The following IL13RA1 variants were observed in gnomAD, a reference collection of about 807,000 sequenced individuals.
IL13RA1 encodes interleukin-13 receptor subunit alpha-1.
IL13RA1 carries 14 observed loss-of-function variants against 33.8 expected under a neutral mutation model. The observed-to-expected ratio is 0.41, with a 90% confidence interval of 0.27 to 0.65. The LOEUF (loss-of-function observed/expected upper bound fraction) is 0.65, where lower values mean the gene tolerates loss of function less well. Among genes scored for constraint, IL13RA1 ranks in the 30% least tolerant of loss-of-function variants. IL13RA1 has a pLI of 0.28. For synonymous variants in IL13RA1, 116 were observed against 115.7 expected (o/e 1.00, Z -0.02); for missense variants, 313 against 327.0 (o/e 0.96, Z 0.33).
At chrX:118,784,108 T>TATATAC (rs1471180706) in intron 10 of IL13RA1, among the ~76,000 whole-genome samples, 2 of 47,052 alleles carry the variant, frequency 4.3e-5, no homozygotes, top group Admixed American at 4.5e-4. Flanking sequence ...TATATATATA[T>TATATAC]ACGTATATAT....
chrX:118,784,158 CAT>C (rs1180414640), intron 10 of IL13RA1, among the ~76,000 whole-genome samples: 1 of 70,517 alleles, frequency 1.4e-5, no homozygotes, highest in Non-Finnish European at 2.3e-5. Context: ...CGTATATACA[CAT>C]ATATACGTAT....
At chrX:118,778,977 A>G (rs1171761149) in intron 10 of IL13RA1, among the ~76,000 whole-genome samples, 1 of 112,067 alleles carries the variant, frequency 8.9e-6, no homozygotes, top group Non-Finnish European at 1.9e-5. Context: ...TGGTCTTTCT[A>G]CTAGGCTGCA....
chrX:118,802,841 A>C, the IL13RA1 span, among the ~76,000 whole-genome samples: 2 of 112,079 alleles, frequency 1.8e-5, no homozygotes, highest in African/African-American at 3.2e-5. Flanking sequence ...AGACAAAGAT[A>C]GCTCTAATCA....
At chrX:118,763,124 GCACACTTTTACCTATGT>G (rs1456723067) in intron 6 of IL13RA1, among the ~76,000 whole-genome samples, 1 of 111,104 alleles carries the variant, frequency 9.0e-6, no homozygotes, top group Middle Eastern at 4.2e-3. Flanking sequence ...AACCACTATG[GCACACTTTTACCTATGT>G]CACAAACCTA....
chrX:118,730,859 A>G (rs1445762460), intron 1 of IL13RA1, among the ~76,000 whole-genome samples: 1 of 112,048 alleles, frequency 8.9e-6, no homozygotes, highest in Non-Finnish European at 1.9e-5. Flanking sequence ...TAACTAAGAA[A>G]GATGTTGGAA....
At chrX:118,749,813 T>C (rs756702155) in intron 4 of IL13RA1, 35 bp downstream of exon 4, 4 of 1,022,838 alleles carry the variant, frequency 3.9e-6, no homozygotes, top group African/African-American at 3.7e-5. Context: ...GGAAGACTGA[T>C]TGTAATTGTG....
intron 10 of IL13RA1, 64 bp downstream of exon 10, chrX:118,776,575 A>G: frequency 2.6e-6 from 1 of 380,297 alleles, no homozygotes. Flanking sequence ...AAGCTATGGC[A>G]TTTTTTAAAA....
At chrX:118,736,392 T>A (rs1370787825) in intron 1 of IL13RA1, among the ~76,000 whole-genome samples, 1 of 111,053 alleles carries the variant, frequency 9.0e-6, no homozygotes, top group Non-Finnish European at 1.9e-5. Flanking sequence ...TTAAATCTGG[T>A]TTCTCTGGAA....
At chrX:118,750,686 T>A (rs999310057) in intron 4 of IL13RA1, among the ~76,000 whole-genome samples, 1 of 111,588 alleles carries the variant, frequency 9.0e-6, no homozygotes, top group Admixed American at 9.6e-5. Context: ...TTTTTTTTTT[T>A]AATGCCAAAC....
At chrX:118,728,794 G>A (rs1751704243) in intron 1 of IL13RA1, among the ~76,000 whole-genome samples, 1 of 111,518 alleles carries the variant, frequency 9.0e-6, no homozygotes, top group South Asian at 3.8e-4. Flanking sequence ...CAGATGAGGT[G>A]CCTGCCCTCA....
the IL13RA1 span, among the ~76,000 whole-genome samples, chrX:118,801,317 G>A: frequency 8.9e-6 from 1 of 112,006 alleles, no homozygotes; most frequent in East Asian, 2.8e-4. Flanking sequence ...TTCTCTTGGT[G>A]TTTTAAATTT....
the IL13RA1 span, among the ~76,000 whole-genome samples, chrX:118,803,962 CTT>C: frequency 2.6e-4 from 16 of 62,146 alleles, no homozygotes; most frequent in East Asian, 4.8e-4. Context: ...TTCTTTCTTT[CTT>C]TTTTTTTTTT....
chrX:118,732,846 G>A (rs1026090295), intron 1 of IL13RA1, among the ~76,000 whole-genome samples: 2 of 111,613 alleles, frequency 1.8e-5, no homozygotes, highest in Non-Finnish European at 3.8e-5. Flanking sequence ...GCTATTGTGA[G>A]TAGTGCTGCA....
At chrX:118,742,142 T>C (rs2017351051) in intron 2 of IL13RA1, among the ~76,000 whole-genome samples, 1 of 112,318 alleles carries the variant, frequency 8.9e-6, no homozygotes, top group Non-Finnish European at 1.9e-5. Context: ...AACATGCTCT[T>C]CCTCTGGAGG....
intron 9 of IL13RA1, among the ~76,000 whole-genome samples, chrX:118,776,014 TCA>T (rs2017777101): frequency 9.0e-6 from 1 of 110,628 alleles, no homozygotes; most frequent in Non-Finnish European, 1.9e-5. Context: ...CCATGGACAC[TCA>T]CTGGGAGATG....
the IL13RA1 span, among the ~76,000 whole-genome samples, chrX:118,803,122 A>G: frequency 3.6e-5 from 4 of 112,271 alleles, no homozygotes; most frequent in Non-Finnish European, 5.6e-5. Context: ...GCCTCATAAG[A>G]TGTTTGATCA....
intron 8 of IL13RA1, chrX:118,769,851 C>T (rs2017692019): frequency 7.3e-6 from 1 of 136,920 alleles, no homozygotes; most frequent in Non-Finnish European, 1.5e-5. Context: ...ACCACATTCA[C>T]GTGGCAGCAC....
At chrX:118,782,280 G>T (rs887471526) in intron 10 of IL13RA1, among the ~76,000 whole-genome samples, 1 of 110,876 alleles carries the variant, frequency 9.0e-6, no homozygotes, top group Admixed American at 9.6e-5. Context: ...TCACTATGTT[G>T]CCCAGGCTGG....
At chrX:118,782,671 C>T in intron 10 of IL13RA1, among the ~76,000 whole-genome samples, 1 of 109,492 alleles carries the variant, frequency 9.1e-6, no homozygotes, top group Non-Finnish European at 1.9e-5. Flanking sequence ...AAACATGGTT[C>T]ACTGCAGCCT....
Sources: allele counts gnomAD v4.1 joint callset (sites outside exome capture counted in the v4.1 genomes callset), GRCh38; gene constraint gnomAD v4.1.1; transcripts MANE v1.5; gene names NCBI Gene and HGNC (gene_info 2026-07-23, HGNC 2026-07-21).